Variants in CHAF1A observed in about 807,000 individuals in gnomAD.
CHAF1A encodes the protein CAF-1 subunit A.
CHAF1A carries 5 observed loss-of-function variants against 93.2 expected under a neutral mutation model. The observed-to-expected ratio is 0.05, with a 90% confidence interval of 0.03 to 0.11. CHAF1A has a LOEUF of 0.11. CHAF1A is among the 10% of genes least tolerant of loss of function. The pLI, the probability that CHAF1A is intolerant of heterozygous loss-of-function variation, is 1.00. For missense variants in CHAF1A, 1,102 were observed against 1,259.9 expected (o/e 0.87, Z 1.90); for synonymous variants, 504 against 510.3 (o/e 0.99, Z 0.17).
chr19:4,446,325 T>C (rs1361715466), downstream of CHAF1A: 2 of 1,575,082 alleles, frequency 1.3e-6, no homozygotes, highest in Admixed American at 1.8e-5. Context: ...CGCAGCAGCG[T>C]GTAGTTGTAC....
downstream of CHAF1A, chr19:4,446,612 G>A: frequency 6.2e-7 from 1 of 1,612,674 alleles, no homozygotes; most frequent in Non-Finnish European, 8.5e-7. Flanking sequence ...TGCCTGTCCA[G>A]CTTGGCGCGC....
intron 3 of CHAF1A, among the ~76,000 whole-genome samples, chr19:4,415,509 C>G (rs243357): frequency 1.3e-5 from 2 of 152,054 alleles, no homozygotes; most frequent in Admixed American, 6.6e-5. Flanking sequence ...AGGGCAGCCC[C>G]GGAGAGCTGC....
intron 4 of CHAF1A, among the ~76,000 whole-genome samples, chr19:4,418,542 A>G (rs1973934758): frequency 6.7e-6 from 1 of 149,464 alleles, no homozygotes; most frequent in East Asian, 2.0e-4. Flanking sequence ...CAGCCTCCCC[A>G]GTAGTTGGGA....
At chr19:4,424,960 G>A (rs1236086153) in intron 7 of CHAF1A, among the ~76,000 whole-genome samples, 1 of 152,078 alleles carries the variant, frequency 6.6e-6, no homozygotes. Context: ...TTTTTGTAGA[G>A]ACTGGGTTTT....
At chr19:4,445,384 A>G (rs1007885100), downstream of CHAF1A, 9 of 1,525,486 alleles carry the variant, frequency 5.9e-6, no homozygotes, top group African/African-American at 2.8e-5. Context: ...TCCCGTGCCC[A>G]TGGGGCAGAG....
chr19:4,407,877 G>A (rs1210162010), intron 2 of CHAF1A, among the ~76,000 whole-genome samples: 3 of 152,104 alleles, frequency 2.0e-5, no homozygotes, highest in Non-Finnish European at 4.4e-5. Context: ...GAACCCAGGA[G>A]GTGGAGGTTG....
In CHAF1A at chr19:4,409,299, A is replaced by G; in HGVS notation, c.500A>G (p.Asp167Gly). Residue 167 changes from aspartate (D) to glycine (G), a missense_variant, in exon 3 of 15, where the codon GAC (aspartate) becomes GGC (glycine). Transcript: ENST00000301280. ...GGGTTGTTGAAGGCCATTCAGAACG[A>G]CAAGTTGGCATTTCCTGGAGAGACC... is the stretch of plus-strand genomic sequence containing the variant. ...QQGLLKAIQN[D>G]KLAFPGETLS... The G allele has an allele frequency of 6.2e-7, 1 of 1,614,096 alleles. No homozygotes were observed. The highest frequency in any genetic ancestry group is 8.5e-7 in the Non-Finnish European group (1 of 1,180,002).
chr19:4,445,590 T>C (rs779059765), downstream of CHAF1A: 9 of 1,613,656 alleles, frequency 5.6e-6, no homozygotes, highest in Admixed American at 1.7e-5. Flanking sequence ...AGCACAGCCA[T>C]GTCCCACGAG....
chr19:4,423,205 T>C (rs1279360485), intron 5 of CHAF1A, 130 bp from the exon 6 acceptor site: 9 of 1,358,684 alleles, frequency 6.6e-6, no homozygotes, highest in Non-Finnish European at 8.9e-6. Flanking sequence ...AGCCTTATAC[T>C]AGACATGAAA....
At chr19:4,438,314 A>G (rs1974324074) in intron 13 of CHAF1A, among the ~76,000 whole-genome samples, 2 of 152,030 alleles carry the variant, frequency 1.3e-5, no homozygotes, top group Admixed American at 1.3e-4. Flanking sequence ...GCTGAGGATA[A>G]TGGTTCCCAG....
chr19:4,443,947 A>G (rs548857547), downstream of CHAF1A, among the ~76,000 whole-genome samples: 94 of 152,254 alleles, frequency 6.2e-4, 1 homozygote, highest in African/African-American at 2.1e-3. Context: ...GCTTCCCTTC[A>G]GGGAACCCTA....
chr19:4,405,826 T>C (rs1421405091), intron 1 of CHAF1A, 86 bp from the exon 2 acceptor site: 2 of 1,199,420 alleles, frequency 1.7e-6, no homozygotes, highest in African/African-American at 3.0e-5. Flanking sequence ...GCCTCCACCT[T>C]GTACATAATT....
At chr19:4,449,824 C>G (rs1329283521), downstream of CHAF1A, 1 of 151,636 alleles carries the variant, frequency 6.6e-6, no homozygotes, top group Non-Finnish European at 1.5e-5. Context: ...GAGCCAAGAT[C>G]TAAAAAAAAA....
intron 7 of CHAF1A, among the ~76,000 whole-genome samples, chr19:4,425,301 A>T (rs956627075): frequency 1.3e-5 from 2 of 152,094 alleles, no homozygotes; most frequent in African/African-American, 4.8e-5. Flanking sequence ...CCCATGCTGG[A>T]GAGCAGTGGC....
At chr19:4,446,914 T>C (rs750846488), downstream of CHAF1A, 13 of 1,613,856 alleles carry the variant, frequency 8.1e-6, no homozygotes, top group Admixed American at 1.7e-4. Flanking sequence ...AGGCAGTTAA[T>C]GCGCTCCTGG....
downstream of CHAF1A, chr19:4,446,621 G>C: frequency 6.2e-7 from 1 of 1,612,506 alleles, no homozygotes; most frequent in Non-Finnish European, 8.5e-7. Flanking sequence ...AGCTTGGCGC[G>C]CACGGGCTCC....
Position 4,422,777 on chromosome 19 carries a change from A to G in CHAF1A, c.1229A>G (p.Glu410Gly), listed in dbSNP as rs1185810692. 6.2e-7 allele frequency: 1 copy of G among 1,612,640 alleles called. No individual in the cohort carries two copies. The highest frequency in any genetic ancestry group is 1.1e-5 in the South Asian group (1 of 90,998). The change falls in exon 5 of 15, where the codon GAG becomes GGG. Residue 410 changes from glutamate (E) to glycine (G), a missense_variant. By Grantham distance (98) the Glu-to-Gly change is moderately conservative. Coordinates refer to ENST00000301280, the MANE Select transcript of CHAF1A (RefSeq NM_005483.3). This position sits in a 1 kb window ranked among gnomAD's most constrained non-coding sequence, Gnocchi z 4.6. ...KQRLKEERRKERQEALEAKLE... is the reference protein window; with the variant it reads ...KQRLKEERRKGRQEALEAKLE... ...CGGCTCAAGGAGGAGCGGCGCAAGG[A>G]GAGACAGGAAGCCCTGGAGTGAGTG...
chr19:4,435,527 G>T (rs1318778338), intron 13 of CHAF1A, among the ~76,000 whole-genome samples: 1 of 152,132 alleles, frequency 6.6e-6, no homozygotes, highest in African/African-American at 2.4e-5. Context: ...ACAGGTGCAT[G>T]CCACCACACC....
At chr19:4,448,779 C>T (rs538879430), downstream of CHAF1A, 5 of 256,554 alleles carry the variant, frequency 1.9e-5, no homozygotes, top group South Asian at 9.4e-5. Context: ...CAGAACCTCC[C>T]GCCACCATGG....
Sources: allele counts gnomAD v4.1 joint callset (sites outside exome capture counted in the v4.1 genomes callset), GRCh38; gene constraint gnomAD v4.1.1; non-coding constraint Gnocchi (gnomAD v3.1); transcripts MANE v1.5; gene names NCBI Gene and HGNC (gene_info 2026-07-23, HGNC 2026-07-21).